Variants in MAPKAPK3 observed in about 807,000 individuals in gnomAD.
MAPKAPK3 encodes the protein MAP kinase-activated protein kinase 3.
In MAPKAPK3, 35 loss-of-function variants were observed where a neutral mutation model predicts 49.2. The ratio of observed to expected loss-of-function variants is 0.71; its 90% CI spans 0.54 to 0.94. The LOEUF (loss-of-function observed/expected upper bound fraction) is 0.94, where lower values mean the gene tolerates loss of function less well. Ranked by LOEUF, MAPKAPK3 falls within the 40% of genes least tolerant of loss-of-function variation. The probability of loss-of-function intolerance (pLI) is 0.00; values close to 1 mark genes in which losing one functional copy is unlikely to be tolerated. For synonymous variants in MAPKAPK3, 178 were observed against 188.7 expected, an observed-to-expected ratio of 0.94 and a Z score of 0.46; for missense variants, 398 against 493.1, an observed-to-expected ratio of 0.81 and a Z score of 1.83.
chr3:50,630,785 C>T (rs938495701), intron 2 of MAPKAPK3, among the ~76,000 whole-genome samples: 1 of 152,180 alleles, frequency 6.6e-6, no homozygotes, highest in African/African-American at 2.4e-5. Flanking sequence ...CTCTCACTGC[C>T]CAGCTGTGTG....
At chr3:50,624,273 A>G (rs918085392) in intron 2 of MAPKAPK3, among the ~76,000 whole-genome samples, 3 of 149,288 alleles carry the variant, frequency 2.0e-5, no homozygotes, top group African/African-American at 7.5e-5. Context: ...GTGTGTGTGC[A>G]CTCACGTGTG....
chr3:50,637,263 G>A (rs1262642383), intron 2 of MAPKAPK3, among the ~76,000 whole-genome samples: 3 of 152,156 alleles, frequency 2.0e-5, no homozygotes, highest in African/African-American at 7.2e-5. Context: ...CCAGGCCCCA[G>A]CCAGGGACCC....
Position 50,641,723 on chromosome 3 carries a change from T to G in MAPKAPK3, c.376T>G (p.Leu126Val), listed in dbSNP as rs770936440. 1 of 1,613,964 alleles carries G rather than the reference T, an allele frequency of 6.2e-7. No homozygotes were observed. The highest frequency in any genetic ancestry group is 8.5e-7 in the Non-Finnish European group (1 of 1,179,910). ...CTTTTACAGCATGGAAGGTGGTGAG[T>G]TGTTCAGCAGGATTCAGGAGCGTGG... ...IIMECMEGGE[L>V]FSRIQERGDQ... Residue 126 changes from leucine (L) to valine (V), a missense_variant, in exon 4 of 11, where the codon TTG becomes GTG. Physicochemically the swap from Leu to Val is conservative, Grantham distance 32 (BLOSUM62 1). Around this residue, in one of 5 missense-constraint regions of MAPKAPK3, gnomAD observed 52 missense variants for 91.9 expected, o/e 0.57. Coordinates refer to ENST00000621469, the MANE Select transcript of MAPKAPK3 (RefSeq NM_001243925.2).
Position 50,642,233 on chromosome 3 carries a change from C to G in MAPKAPK3, c.425-20C>G. 5 of 1,573,098 alleles carry G rather than the reference C, an allele frequency of 3.2e-6. No homozygotes were observed. Among genetic ancestry groups the G allele is most frequent in the Non-Finnish European group, 3.5e-6 (4 of 1,142,962 alleles). On this transcript the variant is annotated intron_variant, in intron 4 of 10. Coordinates refer to ENST00000621469, the MANE Select transcript of MAPKAPK3 (RefSeq NM_001243925.2). Reference sequence around the variant, plus strand: ...ACCTTTGACTGGCATCACTGACCCCCTCCTCCTCTGTTTCTGCAGAAGCTG... The same window carrying G: ...ACCTTTGACTGGCATCACTGACCCCGTCCTCCTCTGTTTCTGCAGAAGCTG...
At chr3:50,624,593 G>T (rs1334083815) in intron 2 of MAPKAPK3, among the ~76,000 whole-genome samples, 5 of 152,144 alleles carry the variant, frequency 3.3e-5, no homozygotes, top group Non-Finnish European at 7.4e-5. Flanking sequence ...GAAGGACTCA[G>T]TTTTCATTAC....
At chr3:50,619,309 G>A (rs923300673) in intron 2 of MAPKAPK3, among the ~76,000 whole-genome samples, 10 of 152,196 alleles carry the variant, frequency 6.6e-5, no homozygotes, top group African/African-American at 2.4e-4. Context: ...CAACAGAGGA[G>A]GTTGTCTCCC....
rs1286123876 is a variant in MAPKAPK3 at position 50,648,551 on chromosome 3, G to T, written c.*505G>T. ...GAGGGGCGATTGAGGGTTCACCTCT[G>T]CCTTGGGGAGGCTGATTTCTCACAC... On this transcript the variant is annotated 3_prime_UTR_variant, in exon 11 of 11. Coordinates refer to ENST00000621469, the MANE Select transcript of MAPKAPK3 (RefSeq NM_001243925.2). 1 of 154,688 alleles carries T rather than the reference G, an allele frequency of 6.5e-6. No homozygotes were observed. Among genetic ancestry groups the T allele is most frequent in the Non-Finnish European group, 1.4e-5 (1 of 69,606 alleles). 9.6% of individuals were successfully genotyped at this position (154,688 alleles called of 1,614,324 possible). A position where few individuals can be genotyped will look rare whatever the true frequency, so the allele number is the denominator to read the frequency against.
At chr3:50,624,546 C>G (rs1346372953) in intron 2 of MAPKAPK3, among the ~76,000 whole-genome samples, 1 of 152,036 alleles carries the variant, frequency 6.6e-6, no homozygotes, top group Non-Finnish European at 1.5e-5. Flanking sequence ...GCTGCAGGGA[C>G]TCCTGGGTCA....
chr3:50,648,315 G>A lies in MAPKAPK3; in HGVS notation c.*269G>A, dbSNP rs1037729162. 7 of 408,232 alleles carry A rather than the reference G, an allele frequency of 1.7e-5. No individual in the cohort carries two copies. Among genetic ancestry groups the A allele is most frequent in the Non-Finnish European group, 2.7e-5 (6 of 225,808 alleles). The allele number at this position is 408,232 out of a possible 1,614,324, so 25.3% of individuals were successfully genotyped here. On this transcript the variant is annotated 3_prime_UTR_variant, in exon 11 of 11. Transcript: ENST00000621469. ...GCAGCACCTTTAGCTAGGTTGGCCC[G>A]AGTGAGGCCTCTGTGCTGTCCTGCC...
chr3:50,625,134 T>C (rs1258625052), intron 2 of MAPKAPK3, among the ~76,000 whole-genome samples: 1 of 152,144 alleles, frequency 6.6e-6, no homozygotes, highest in Non-Finnish European at 1.5e-5. Context: ...GTGGTGCAGT[T>C]GAACCCTGGG....
intron 10 of MAPKAPK3, among the ~76,000 whole-genome samples, chr3:50,647,608 G>A (rs1057338370): frequency 1.3e-5 from 2 of 152,260 alleles, no homozygotes; most frequent in Non-Finnish European, 2.9e-5. Flanking sequence ...CAGGTCTTGT[G>A]GTTCTGTGGT....
At chr3:50,634,292 T>C (rs985613847) in intron 2 of MAPKAPK3, among the ~76,000 whole-genome samples, 1 of 152,056 alleles carries the variant, frequency 6.6e-6, no homozygotes, top group African/African-American at 2.4e-5. Context: ...GGTGTGTGTA[T>C]GTGTACGTCT....
intron 8 of MAPKAPK3, 22 bp downstream of exon 8, chr3:50,646,286 A>G (rs1414457720): frequency 1.2e-6 from 2 of 1,613,840 alleles, no homozygotes; most frequent in East Asian, 4.5e-5. Flanking sequence ...TCTCTGTCCC[A>G]GCCTGACTCA....
chr3:50,639,361 A>C (rs902863046), intron 2 of MAPKAPK3, among the ~76,000 whole-genome samples: 2 of 151,816 alleles, frequency 1.3e-5, no homozygotes, highest in Non-Finnish European at 2.9e-5. Context: ...CTGGGTCCTT[A>C]CCGGTGATCT....
At chr3:50,611,584 G>C, upstream of MAPKAPK3, 5 of 1,523,820 alleles carry the variant, frequency 3.3e-6, no homozygotes, top group Non-Finnish European at 4.4e-6. Context: ...CTGTTCTCCC[G>C]TGCGCCCCTC....
chr3:50,623,290 A>G (rs1282157145), intron 2 of MAPKAPK3, among the ~76,000 whole-genome samples: 1 of 152,198 alleles, frequency 6.6e-6, no homozygotes, highest in Non-Finnish European at 1.5e-5. Flanking sequence ...ACTGCCAGGG[A>G]TGAGCAATTT....
chr3:50,632,046 C>T (rs1195058328), intron 2 of MAPKAPK3, among the ~76,000 whole-genome samples: 1 of 152,276 alleles, frequency 6.6e-6, no homozygotes, highest in Non-Finnish European at 1.5e-5. Context: ...TACCTCAGCA[C>T]TCCTGGCCCA....
intron 2 of MAPKAPK3, among the ~76,000 whole-genome samples, chr3:50,635,955 A>G (rs2033031056): frequency 1.3e-5 from 2 of 149,768 alleles, no homozygotes; most frequent in Admixed American, 6.6e-5. Context: ...AACCAAAAAA[A>G]AAAAAAATTA....
intron 10 of MAPKAPK3, 91 bp downstream of exon 10, chr3:50,647,294 T>A: frequency 9.4e-7 from 1 of 1,067,614 alleles, no homozygotes; most frequent in Non-Finnish European, 1.4e-6. Context: ...CTGGGGTCTT[T>A]GGCCCCTTTC....
Sources: allele counts gnomAD v4.1 joint callset (sites outside exome capture counted in the v4.1 genomes callset), GRCh38; gene constraint gnomAD v4.1.1; regional missense constraint gnomAD v4.1.1; transcripts MANE v1.5; gene names NCBI Gene and HGNC (gene_info 2026-07-23, HGNC 2026-07-21).